KPRP: variants seen among roughly 807,000 people sequenced by gnomAD.
KPRP encodes the protein keratinocyte proline rich protein.
For missense variants in KPRP, 820 were observed against 746.4 expected (o/e 1.10, Z -1.15); for synonymous variants, 282 against 276.9 (o/e 1.02, Z -0.18).
At chr1:152,760,980 G>C (rs906888036) in exon 1 of KPRP, 1 of 1,611,936 alleles carries the variant, frequency 6.2e-7, no homozygotes, top group Non-Finnish European at 8.5e-7. Context: ...GTCCATGCCT[G>C]CAGCCCTGTG....
exon 1 of KPRP, chr1:152,760,099 G>A (rs760645005): frequency 4.3e-6 from 7 of 1,614,058 alleles, no homozygotes; most frequent in Non-Finnish European, 5.9e-6. Flanking sequence ...GCGTCCTGCA[G>A]TGTGCCAGCC....
At chr1:152,761,448 G>C (rs953332115) in exon 1 of KPRP, 51 of 1,455,142 alleles carry the variant, frequency 3.5e-5, no homozygotes, top group Non-Finnish European at 4.4e-5. Context: ...TCCCTATTAC[G>C]AAGGTGATGT....
At chr1:152,762,043 T>C (rs1010827466) in exon 1 of KPRP, 5 of 167,138 alleles carry the variant, frequency 3.0e-5, no homozygotes, top group African/African-American at 9.6e-5. Context: ...TAAAGATCAT[T>C]ATGTACTCAC....
exon 1 of KPRP, chr1:152,759,946 G>T: frequency 1.9e-6 from 3 of 1,614,220 alleles, no homozygotes; most frequent in South Asian, 1.1e-5. Context: ...GGTGTCCTAC[G>T]TGCAGTGCGA....
exon 1 of KPRP, chr1:152,761,215 G>A (rs1651122457): frequency 6.2e-7 from 1 of 1,614,222 alleles, no homozygotes; most frequent in Non-Finnish European, 8.5e-7. Context: ...AGAGAGTGGT[G>A]CTGGCTGTGG....
exon 1 of KPRP, chr1:152,760,650 C>G: frequency 6.8e-6 from 11 of 1,611,468 alleles, no homozygotes; most frequent in Non-Finnish European, 9.3e-6. Flanking sequence ...GACGCCGCTC[C>G]CAGAGCTGTG....
chr1:152,759,964 C>A (rs768174708), exon 1 of KPRP: 1 of 1,614,214 alleles, frequency 6.2e-7, no homozygotes, highest in Non-Finnish European at 8.5e-7. Flanking sequence ...CGAAGCGTCA[C>A]AACCTGTTCA....
In KPRP at chr1:152,760,385, C is replaced by A. The variant is rs769955421; in HGVS notation, c.797C>A (p.Pro266His). ...CCTCCTCGGCGGCTGCAGCTTTTCC[C>A]CCGCAGCTGTTCCCCACCAAGACGT... Residue 266 changes from proline (P) to histidine (H), a missense_variant, in exon 1 of 1, where the codon CCC (proline) becomes CAC (histidine). Physicochemically the swap from Pro to His is moderately conservative, Grantham distance 77. Transcript: ENST00000606109. 8 of 1,614,146 alleles carry A rather than the reference C, an allele frequency of 5.0e-6. No individual in the cohort carries two copies. Among genetic ancestry groups the A allele is most frequent in the Non-Finnish European group, 6.8e-6 (8 of 1,180,014 alleles).
At chr1:152,760,355 TTCC>T in exon 1 of KPRP, 1 of 1,614,106 alleles carries the variant, frequency 6.2e-7, no homozygotes, top group Non-Finnish European at 8.5e-7. Context: ...AGCAGATGCC[TTCC>T]TCCTCCTCGG....
chr1:152,761,780 T>G, exon 1 of KPRP: 1 of 178,636 alleles, frequency 5.6e-6, no homozygotes, highest in Non-Finnish European at 1.3e-5. Context: ...TAGAACTCAC[T>G]GCATCCCCCG....
At chr1:152,760,387 C>G (rs773354173) in exon 1 of KPRP, 2 of 1,614,126 alleles carry the variant, frequency 1.2e-6, no homozygotes, top group Non-Finnish European at 8.5e-7. Flanking sequence ...GCTTTTCCCC[C>G]GCAGCTGTTC....
At chr1:152,761,416 C>A in exon 1 of KPRP, 1 of 1,496,604 alleles carries the variant, frequency 6.7e-7, no homozygotes, top group Non-Finnish European at 8.9e-7. Flanking sequence ...TTGTTTGAAT[C>A]TCTCCAAAGA....
chr1:152,761,227 C>T (rs80248513), exon 1 of KPRP: 1 of 1,613,998 alleles, frequency 6.2e-7, no homozygotes, highest in African/African-American at 1.3e-5. Flanking sequence ...TGGCTGTGGG[C>T]CTGGTGATGT....
chr1:152,761,189 G>C (rs750897089), exon 1 of KPRP: 2 of 1,614,188 alleles, frequency 1.2e-6, no homozygotes, highest in Non-Finnish European at 1.7e-6. Flanking sequence ...GGCCCATCCA[G>C]TTACAACCAG....
At chr1:152,760,492 G>A in exon 1 of KPRP, 1 of 1,613,566 alleles carries the variant, frequency 6.2e-7, no homozygotes, top group Non-Finnish European at 8.5e-7. Context: ...CCGCCGCTCT[G>A]AACCCATATA....
chr1:152,761,064 G>T, exon 1 of KPRP: 1 of 1,613,984 alleles, frequency 6.2e-7, no homozygotes, highest in Non-Finnish European at 8.5e-7. Flanking sequence ...AGCCCTGCAG[G>T]GAGACTTGGC....
chr1:152,758,509 A>T (rs1269243833), upstream of KPRP, among the ~76,000 whole-genome samples: 1 of 152,216 alleles, frequency 6.6e-6, no homozygotes, highest in East Asian at 1.9e-4. Flanking sequence ...GCCTGTTGTC[A>T]AATGATCTTG....
chr1:152,761,069 C>T (rs752296417), exon 1 of KPRP: 3 of 1,613,956 alleles, frequency 1.9e-6, no homozygotes, highest in South Asian at 1.1e-5. Flanking sequence ...TGCAGGGAGA[C>T]TTGGCGCAGC....
chr1:152,759,762 G>A (rs1166692787), exon 1 of KPRP: 1 of 1,614,160 alleles, frequency 6.2e-7, no homozygotes, highest in Non-Finnish European at 8.5e-7. Context: ...AAGTTTGCCA[G>A]GTGTCAGACC....
Sources: gnomAD v4.1 joint callset for allele counts (sites outside exome capture counted in the v4.1 genomes callset) on GRCh38, gnomAD v4.1.1 for gene constraint, MANE v1.5 for transcripts, NCBI Gene and HGNC (gene_info 2026-07-23, HGNC 2026-07-21) for gene names.